Variants in HEG1 observed in about 807,000 individuals in gnomAD.
HEG1 encodes the protein protein HEG homolog 1.
In HEG1, 56 loss-of-function variants were observed where a neutral mutation model predicts 125.6. That is an observed-to-expected ratio of 0.45 (90% CI 0.36 to 0.56). The LOEUF is 0.56. HEG1 is among the 20% of genes least tolerant of loss of function. HEG1 has a pLI of 0.00. For synonymous variants in HEG1, 644 were observed against 668.5 expected, an observed-to-expected ratio of 0.96 and a Z score of 0.57; for missense variants, 1,523 against 1,670.0, an observed-to-expected ratio of 0.91 and a Z score of 1.53.
intron 12 of HEG1, 96 bp from the exon 13 acceptor site, chr3:124,991,082 T>C: frequency 1.1e-6 from 1 of 888,178 alleles, no homozygotes; most frequent in Non-Finnish European, 1.8e-6. Flanking sequence ...CACAAGATTA[T>C]TCTAGTACCA....
intron 14 of HEG1, among the ~76,000 whole-genome samples, chr3:124,989,986 C>T (rs1025702577): frequency 6.6e-6 from 1 of 152,142 alleles, no homozygotes; most frequent in African/African-American, 2.4e-5. Context: ...CCAGCCACAT[C>T]CACTTACACA....
At chr3:125,040,460 T>C (rs908509914) in intron 1 of HEG1, among the ~76,000 whole-genome samples, 3 of 152,176 alleles carry the variant, frequency 2.0e-5, no homozygotes, top group Non-Finnish European at 4.4e-5. Context: ...GAAGGTCATA[T>C]TGCTCAAAAG....
intron 14 of HEG1, among the ~76,000 whole-genome samples, chr3:124,981,383 C>T (rs984582377): frequency 1.3e-5 from 2 of 152,110 alleles, no homozygotes; most frequent in African/African-American, 4.8e-5. Flanking sequence ...TTTCTAAGTG[C>T]TCACTCTCAA....
At chr3:125,011,091 T>G (rs932161737) in intron 6 of HEG1, among the ~76,000 whole-genome samples, 5 of 152,128 alleles carry the variant, frequency 3.3e-5, no homozygotes, top group African/African-American at 9.7e-5. Context: ...GTGCCATATT[T>G]AGAAAATGAT....
intron 1 of HEG1, among the ~76,000 whole-genome samples, chr3:125,035,283 C>T (rs1178963928): frequency 6.6e-6 from 1 of 152,086 alleles, no homozygotes. Flanking sequence ...GGAAAATTTC[C>T]CAAACTAATG....
Position 125,013,980 on chromosome 3 carries a change from A to G in HEG1, c.1599T>C (p.Ile533=). The G allele has an allele frequency of 1.2e-6, 2 of 1,602,294 alleles. No individual in the cohort carries two copies. Among genetic ancestry groups the G allele is most frequent in the Non-Finnish European group, 1.7e-6 (2 of 1,175,434 alleles). The change falls in exon 6 of 17, where the codon ATT becomes ATC. Residue 533 remains isoleucine, a synonymous_variant. Coordinates refer to ENST00000311127, the MANE Select transcript of HEG1 (RefSeq NM_020733.2). ...APRGERSIAG[I]SYGQVRGTAI... ...CTGTGCCACGCACTTGACCGTAGCT[A>G]ATCCCAGCGACTGTAAACGGAAAAG...
At chr3:125,001,162 C>A (rs929812464) in intron 11 of HEG1, among the ~76,000 whole-genome samples, 2 of 151,786 alleles carry the variant, frequency 1.3e-5, no homozygotes, top group African/African-American at 4.8e-5. Context: ...GGCCTCCATT[C>A]TTCTGGTTTT....
chr3:125,019,175 G>A (rs888569959), intron 5 of HEG1, 87 bp downstream of exon 5: 77 of 1,151,378 alleles, frequency 6.7e-5, no homozygotes, highest in Non-Finnish European at 8.7e-5. Context: ...GCCCTCATGC[G>A]TGGTTTTAAT....
intron 1 of HEG1, among the ~76,000 whole-genome samples, chr3:125,043,954 C>T (rs1013956821): frequency 1.2e-4 from 19 of 152,202 alleles, no homozygotes; most frequent in Non-Finnish European, 2.6e-4. Context: ...CCGGCCTGGG[C>T]CCGGGCCCCG....
Position 125,013,079 on chromosome 3 carries a change from T to C in HEG1, c.2500A>G (p.Asn834Asp), listed in dbSNP as rs545471364. 1.2e-6 allele frequency: 2 copies of C among 1,613,872 alleles called. No individual in the cohort carries two copies. Among genetic ancestry groups the C allele is most frequent in the Non-Finnish European group, 1.7e-6 (2 of 1,179,890 alleles). The change falls in exon 6 of 17, where the codon AAC (asparagine) becomes GAC (aspartate). Residue 834 changes from asparagine to aspartate, a missense_variant. Coordinates refer to ENST00000311127, the MANE Select transcript of HEG1 (RefSeq NM_020733.2). ...TEQTLPATST[N>D]LAQMSPTFTT... ...AAAGTTGGAGACATTTGTGCTAAGTTGGTGCTTGTGGCTGGAAGGGTTTGC... is the reference window on the plus strand; with the variant it reads ...AAAGTTGGAGACATTTGTGCTAAGTCGGTGCTTGTGGCTGGAAGGGTTTGC...
chr3:125,055,213 A>G (rs1253027671), intron 1 of HEG1, among the ~76,000 whole-genome samples: 1 of 152,232 alleles, frequency 6.6e-6, no homozygotes, highest in Non-Finnish European at 1.5e-5. Context: ...TGTATAGCGG[A>G]AAAAATGAAA....
chr3:125,003,017 G>A (rs1937021616), intron 9 of HEG1, among the ~76,000 whole-genome samples: 1 of 152,196 alleles, frequency 6.6e-6, no homozygotes, highest in African/African-American at 2.4e-5. Flanking sequence ...CTGTGTTCAA[G>A]GCCCATGTAT....
chr3:125,019,765 CTT>C (rs1210819841), intron 4 of HEG1, among the ~76,000 whole-genome samples, 168 bp from the exon 5 acceptor site: 1 of 152,158 alleles, frequency 6.6e-6, no homozygotes, highest in Non-Finnish European at 1.5e-5. Context: ...TTTCAAAACT[CTT>C]GGGTGGCAGC....
At chr3:124,977,819 G>A (rs1419079465) in intron 15 of HEG1, 40 bp downstream of exon 15, 10 of 1,337,192 alleles carry the variant, frequency 7.5e-6, no homozygotes, top group Non-Finnish European at 1.0e-5. Flanking sequence ...TATAGCACAG[G>A]CAAAGGAACG....
At chr3:125,015,518 G>C (rs1485476451) in intron 5 of HEG1, among the ~76,000 whole-genome samples, 2 of 152,164 alleles carry the variant, frequency 1.3e-5, no homozygotes, top group African/African-American at 2.4e-5. Flanking sequence ...AGCCTGAGGT[G>C]GGGGGTGAAA....
intron 14 of HEG1, among the ~76,000 whole-genome samples, chr3:124,982,417 G>A (rs1462402846): frequency 6.6e-6 from 1 of 152,234 alleles, no homozygotes; most frequent in Admixed American, 6.5e-5. Context: ...ATATTTAGGT[G>A]AGACAGAGGC....
intron 8 of HEG1, among the ~76,000 whole-genome samples, chr3:125,007,026 C>T (rs926001339): frequency 4.2e-4 from 63 of 151,544 alleles, no homozygotes; most frequent in African/African-American, 1.5e-3. Context: ...GGTGAAACCC[C>T]GTCTCTACTA....
intron 11 of HEG1, among the ~76,000 whole-genome samples, chr3:125,001,410 C>T (rs1332887103): frequency 1.3e-5 from 2 of 152,082 alleles, no homozygotes; most frequent in Admixed American, 1.3e-4. Context: ...TCCCATAGTA[C>T]TGGGATTACA....
chr3:124,995,674 T>G (rs1258018789), intron 12 of HEG1, among the ~76,000 whole-genome samples: 1 of 152,170 alleles, frequency 6.6e-6, no homozygotes, highest in Admixed American at 6.5e-5. Context: ...AATCCACTCC[T>G]CAGAGGCCTG....
Sources: allele counts gnomAD v4.1 joint callset (sites outside exome capture counted in the v4.1 genomes callset), GRCh38; gene constraint gnomAD v4.1.1; transcripts MANE v1.5; gene names NCBI Gene and HGNC (gene_info 2026-07-23, HGNC 2026-07-21).